Variants in ATF7IP2 observed in about 807,000 individuals in gnomAD.
ATF7IP2 encodes activating transcription factor 7-interacting protein 2.
Under a neutral mutation model 64.2 loss-of-function variants are expected in ATF7IP2, and 42 were observed. That is an observed-to-expected ratio of 0.65 (90% CI 0.51 to 0.85). The LOEUF is 0.85. Among genes scored for constraint, ATF7IP2 ranks in the 40% least tolerant of loss-of-function variants. ATF7IP2 has a pLI of 0.00. For synonymous variants in ATF7IP2, 308 were observed against 272.8 expected (o/e 1.13, Z -1.27); for missense variants, 933 against 784.2 (o/e 1.19, Z -2.27).
chr16:10,478,875 A>G (rs1596644223), intron 12 of ATF7IP2, among the ~76,000 whole-genome samples: 2 of 152,366 alleles, frequency 1.3e-5, no homozygotes, highest in South Asian at 4.1e-4. Flanking sequence ...GAAGACATTT[A>G]TGCAGCCAAA....
intron 1 of ATF7IP2, among the ~76,000 whole-genome samples, chr16:10,388,462 T>G (rs911768036): frequency 6.6e-6 from 1 of 152,232 alleles, no homozygotes; most frequent in Non-Finnish European, 1.5e-5. Context: ...GTCATAAGTT[T>G]CATTAGTATA....
At chr16:10,408,634 T>A (rs1266346357) in intron 1 of ATF7IP2, among the ~76,000 whole-genome samples, 1 of 152,246 alleles carries the variant, frequency 6.6e-6, no homozygotes, top group African/African-American at 2.4e-5. Context: ...TTGGTATATC[T>A]TCTTTTGAGA....
chr16:10,464,398 T>C (rs1407302979), intron 9 of ATF7IP2, among the ~76,000 whole-genome samples: 5 of 152,322 alleles, frequency 3.3e-5, no homozygotes, highest in Admixed American at 2.6e-4. Context: ...AAGGAATTAG[T>C]GCCACTGTTG....
intron 8 of ATF7IP2, among the ~76,000 whole-genome samples, chr16:10,443,476 T>C (rs2048699617): frequency 2.0e-5 from 3 of 152,240 alleles, no homozygotes; most frequent in Admixed American, 2.0e-4. Flanking sequence ...AACCTGGGCC[T>C]CTGGCCTACC....
intron 1 of ATF7IP2, among the ~76,000 whole-genome samples, chr16:10,411,476 T>G (rs1481306036): frequency 6.6e-6 from 1 of 151,882 alleles, no homozygotes; most frequent in Non-Finnish European, 1.5e-5. Context: ...GCTCAAGCAG[T>G]TCTCCTGTCT....
chr16:10,479,749 A>G (rs189299537), intron 12 of ATF7IP2, among the ~76,000 whole-genome samples: 2 of 152,058 alleles, frequency 1.3e-5, no homozygotes, highest in African/African-American at 2.4e-5. Flanking sequence ...GCTCAACATC[A>G]CTGATCATCA....
In ATF7IP2 at chr16:10,482,271, C is replaced by G. The variant is rs375030691; in HGVS notation, c.*22C>G. ...GTAAAAGGTGTTTAATAATGATATA[C>G]TACTTTTTTTTTCATATTTGTTTGT... On this transcript the variant is annotated 3_prime_UTR_variant, in exon 14 of 14. Transcript: ENST00000562102. The G allele has an allele frequency of 4.0e-6, 6 of 1,495,782 alleles. No homozygotes were observed. The African/African-American group carries it at 8.5e-5, about 21-fold the overall frequency. 92.7% of individuals were successfully genotyped at this position (1,495,782 alleles called of 1,614,324 possible).
At position 10,481,847 on chromosome 16, in the gene ATF7IP2, C is replaced by A. The variant is rs1307664539; in HGVS notation, c.1647C>A (p.Ser549=). The A allele has an allele frequency of 6.3e-7, 1 of 1,586,758 alleles. No individual in the cohort carries two copies. The highest frequency in any genetic ancestry group is 1.4e-5 in the African/African-American group (1 of 73,422). ...AATTGTGTTTTTAGGTTCCTGAGTC[C>A]TTTGAGCACCTGCCACCTCTCCCAG... The part of the protein sequence containing the change: ...LAQNAVQVPE[S]FEHLPPLPEP... The change falls in exon 14 of 14, where the codon TCC becomes TCA. Residue 549 remains serine (S), a synonymous_variant. Transcript: ENST00000562102.
intron 1 of ATF7IP2, among the ~76,000 whole-genome samples, chr16:10,408,512 G>T (rs1250456675): frequency 1.3e-5 from 2 of 152,076 alleles, no homozygotes; most frequent in African/African-American, 2.4e-5. Context: ...ATTATTTTTT[G>T]ACTTTTTGAT....
chr16:10,469,253 T>C (rs2049698557), intron 9 of ATF7IP2, among the ~76,000 whole-genome samples: 1 of 151,750 alleles, frequency 6.6e-6, no homozygotes, highest in African/African-American at 2.4e-5. Context: ...GTATAGAAAA[T>C]GTTCAGTCTA....
Position 10,417,513 on chromosome 16 carries a change from A to G in ATF7IP2, c.-202-2068A>G, listed in dbSNP as rs111529670. On this transcript the variant is annotated intron_variant, in intron 2 of 13. Transcript: ENST00000562102. Reference sequence around the variant, plus strand: ...ATCATTATTTAATGATAAAGGGATCAATTCAACAAGAGGATATAACAATCC... The same window carrying G: ...ATCATTATTTAATGATAAAGGGATCGATTCAACAAGAGGATATAACAATCC... Among the ~76,000 whole-genome samples the G allele has an allele frequency of 4.8e-3, 736 of 152,342 alleles. 3 individuals carry two copies. Among genetic ancestry groups the G allele is most frequent in the African/African-American group, 0.017 (703 of 41,580 alleles).
intron 8 of ATF7IP2, among the ~76,000 whole-genome samples, chr16:10,440,696 TC>T (rs2048586533): frequency 6.6e-6 from 1 of 152,306 alleles, no homozygotes; most frequent in South Asian, 2.1e-4. Context: ...AAGATTGGCT[TC>T]CCCCACCCCC....
At chr16:10,386,150 C>G (rs889536655) in intron 1 of ATF7IP2, 28 bp downstream of exon 1, 4 of 152,408 alleles carry the variant, frequency 2.6e-5, no homozygotes, top group African/African-American at 9.6e-5. Context: ...GAGTGTCCTG[C>G]GAGAGCGGCG....
intron 3 of ATF7IP2, among the ~76,000 whole-genome samples, chr16:10,424,619 A>C (rs2048048068): frequency 6.6e-6 from 1 of 152,220 alleles, no homozygotes; most frequent in South Asian, 2.1e-4. Flanking sequence ...AAAATATATA[A>C]GGAACTCTTA....
Position 10,481,940 on chromosome 16 carries a change from G to C in ATF7IP2, c.1740G>C (p.Glu580Asp). Residue 580 changes from glutamate to aspartate, a missense_variant, in exon 14 of 14, where the codon GAG (glutamate) becomes GAC (aspartate). Glu to Asp is a conservative substitution (Grantham distance 45). Coordinates refer to ENST00000562102, the MANE Select transcript of ATF7IP2 (RefSeq NM_001393719.1). ...ACACACTTCCTCCCCAGAAGCCTGAGCTCAAAGTGAAACGGGTTTTCAGAC... is the reference window on the plus strand; with the variant it reads ...ACACACTTCCTCCCCAGAAGCCTGACCTCAAAGTGAAACGGGTTTTCAGAC... ...TRDTLPPQKP[E>D]LKVKRVFRPN... The C allele has an allele frequency of 6.2e-7, 1 of 1,614,124 alleles. No homozygotes were observed.
chr16:10,476,365 G>T (rs1013746200), intron 12 of ATF7IP2, among the ~76,000 whole-genome samples: 1 of 152,116 alleles, frequency 6.6e-6, no homozygotes, highest in East Asian at 1.9e-4. Context: ...TACATCACAG[G>T]ATATAAAGGA....
At chr16:10,411,470 A>C (rs1475335187) in intron 1 of ATF7IP2, among the ~76,000 whole-genome samples, 3 of 151,672 alleles carry the variant, frequency 2.0e-5, no homozygotes, top group Admixed American at 1.3e-4. Flanking sequence ...GTCTTGGCTC[A>C]AGCAGTTCTC....
At chr16:10,394,368 G>A (rs1299564342) in intron 1 of ATF7IP2, among the ~76,000 whole-genome samples, 2 of 152,158 alleles carry the variant, frequency 1.3e-5, no homozygotes, top group African/African-American at 2.4e-5. Flanking sequence ...CCTACTAAGA[G>A]AGCAGCAAAA....
intron 3 of ATF7IP2, among the ~76,000 whole-genome samples, chr16:10,422,049 A>G (rs1395090057): frequency 6.6e-6 from 1 of 152,266 alleles, no homozygotes; most frequent in African/African-American, 2.4e-5. Context: ...CCCTTAAGTC[A>G]GTTAACATTA....
Sources: allele counts gnomAD v4.1 joint callset (sites outside exome capture counted in the v4.1 genomes callset), GRCh38; gene constraint gnomAD v4.1.1; transcripts MANE v1.5; gene names NCBI Gene and HGNC (gene_info 2026-07-23, HGNC 2026-07-21).